The following PXDNL variants were observed in gnomAD, a reference collection of about 807,000 sequenced individuals.
The protein encoded by PXDNL is peroxidasin like.
Under a neutral mutation model 150.8 loss-of-function variants are expected in PXDNL, and 145 were observed. The observed-to-expected ratio is 0.96, with a 90% CI of 0.84 to 1.10. The LOEUF (loss-of-function observed/expected upper bound fraction) is 1.10, where lower values mean the gene tolerates loss of function less well. Among genes scored for constraint, PXDNL ranks in the 50% least tolerant of loss-of-function variants. PXDNL has a pLI of 0.00. For missense variants in PXDNL, 2,087 were observed against 1,873.9 expected, an observed-to-expected ratio of 1.11 and a Z score of -2.10; for synonymous variants, 757 against 725.7, an observed-to-expected ratio of 1.04 and a Z score of -0.69.
chr8:51,354,138 T>C (rs969511134), intron 19 of PXDNL, among the ~76,000 whole-genome samples: 16 of 152,130 alleles, frequency 1.1e-4, no homozygotes, highest in African/African-American at 3.9e-4. Context: ...ATATATCCTG[T>C]TTACCAAATA....
chr8:51,358,837 G>T (rs963404995), intron 19 of PXDNL, among the ~76,000 whole-genome samples: 3 of 152,170 alleles, frequency 2.0e-5, no homozygotes, highest in African/African-American at 7.2e-5. Flanking sequence ...GAGGACAGGG[G>T]AACCCTGGGG....
chr8:51,465,021 T>C (rs1810173533), intron 8 of PXDNL, among the ~76,000 whole-genome samples: 1 of 152,030 alleles, frequency 6.6e-6, no homozygotes. Context: ...TTCTAAAAAG[T>C]CAAGGAAGAA....
chr8:51,451,164 A>G (rs947826005), intron 10 of PXDNL, among the ~76,000 whole-genome samples: 2 of 151,572 alleles, frequency 1.3e-5, no homozygotes, highest in African/African-American at 4.8e-5. Flanking sequence ...ATTAACATTT[A>G]ATAACTTTAA....
intron 1 of PXDNL, among the ~76,000 whole-genome samples, chr8:51,776,236 C>T (rs757544400): frequency 5.3e-5 from 8 of 152,270 alleles, no homozygotes; most frequent in Admixed American, 2.0e-4. Context: ...TATGATCTCG[C>T]CCTGCCTCCA....
At chr8:51,590,412 A>G (rs974337625) in intron 3 of PXDNL, among the ~76,000 whole-genome samples, 2 of 152,020 alleles carry the variant, frequency 1.3e-5, no homozygotes, top group African/African-American at 2.4e-5. Context: ...CTATAGCCAG[A>G]GTGGAAACTC....
chr8:51,359,792 GA>G (rs905591613), intron 19 of PXDNL, among the ~76,000 whole-genome samples: 28 of 151,652 alleles, frequency 1.8e-4, no homozygotes, highest in East Asian at 3.9e-4. Context: ...TTAAGCAGGG[GA>G]AAAAAAATCC....
chr8:51,323,911 C>T (rs1316890771), intron 21 of PXDNL, among the ~76,000 whole-genome samples: 3 of 126,944 alleles, frequency 2.4e-5, no homozygotes, highest in African/African-American at 1.1e-4. Flanking sequence ...AGCAAAACTT[C>T]ATCTCAAAAA....
intron 1 of PXDNL, among the ~76,000 whole-genome samples, chr8:51,806,850 C>T (rs2129266852): frequency 6.6e-6 from 1 of 152,308 alleles, no homozygotes. Context: ...ACCATCCCCA[C>T]ACACTCCAAG....
Position 51,505,505 on chromosome 8 carries a change from G to A in PXDNL, c.381-5735C>T, listed in dbSNP as rs115852597. ...ACTGCACAATCAAAATAGCATATAC[G>A]GTCAATGTTCTCAACCTTTTTGTAC... On this transcript the variant is annotated intron_variant, in intron 4 of 22. Coordinates refer to ENST00000356297, the MANE Select transcript of PXDNL (RefSeq NM_144651.5). 4.2e-3 allele frequency among the ~76,000 whole-genome samples: 642 copies of A among 152,176 alleles called. 10 individuals are homozygous for A. Among genetic ancestry groups the A allele is most frequent in the African/African-American group, 0.015 (617 of 41,520 alleles).
intron 17 of PXDNL, among the ~76,000 whole-genome samples, chr8:51,392,362 T>C (rs1009801863): frequency 2.0e-5 from 3 of 152,186 alleles, no homozygotes; most frequent in Non-Finnish European, 4.4e-5. Context: ...TGATTCTTCC[T>C]ATCCATGAGC....
chr8:51,535,734 T>A (rs10958276), intron 4 of PXDNL, among the ~76,000 whole-genome samples: 14,358 of 128,300 alleles, frequency 0.11, 2,379 homozygotes, highest in African/African-American at 0.41. Context: ...AATAAATAAA[T>A]AAATAAAAAT....
intron 21 of PXDNL, among the ~76,000 whole-genome samples, chr8:51,333,161 A>C (rs1177488978): frequency 6.6e-6 from 1 of 152,250 alleles, no homozygotes; most frequent in Non-Finnish European, 1.5e-5. Flanking sequence ...CTTACAGGCT[A>C]GAAGGGAGTA....
intron 4 of PXDNL, among the ~76,000 whole-genome samples, chr8:51,525,070 G>C (rs1811739322): frequency 6.6e-6 from 1 of 151,810 alleles, no homozygotes; most frequent in Non-Finnish European, 1.5e-5. Context: ...AGCAAACACT[G>C]CTTCTCCATT....
chr8:51,599,768 TTA>T (rs1417465030), intron 2 of PXDNL, among the ~76,000 whole-genome samples: 2 of 144,600 alleles, frequency 1.4e-5, no homozygotes, highest in African/African-American at 2.6e-5. Context: ...ATATAATAAA[TTA>T]TATCTTATAT....
At chr8:51,396,586 A>G (rs1808089570) in intron 17 of PXDNL, among the ~76,000 whole-genome samples, 1 of 152,148 alleles carries the variant, frequency 6.6e-6, no homozygotes, top group African/African-American at 2.4e-5. Flanking sequence ...GAGAAACTCC[A>G]TCTCTACTAA....
chr8:51,334,774 C>T (rs1163246420), intron 21 of PXDNL, among the ~76,000 whole-genome samples: 1 of 152,092 alleles, frequency 6.6e-6, no homozygotes, highest in African/African-American at 2.4e-5. Context: ...AATGTTTATT[C>T]CTTCCTCATA....
intron 17 of PXDNL, among the ~76,000 whole-genome samples, chr8:51,377,552 G>A (rs1807366139): frequency 6.6e-6 from 1 of 152,342 alleles, no homozygotes; most frequent in Middle Eastern, 3.4e-3. Flanking sequence ...GCTGCACAGG[G>A]TGCTTGCGGG....
intron 2 of PXDNL, among the ~76,000 whole-genome samples, chr8:51,633,515 A>G (rs1006356852): frequency 2.6e-5 from 4 of 152,118 alleles, no homozygotes; most frequent in African/African-American, 9.7e-5. Flanking sequence ...CCAACAGCAT[A>G]TATGTGTTCT....
chr8:51,606,534 T>C (rs2130698547), intron 2 of PXDNL, among the ~76,000 whole-genome samples: 1 of 152,328 alleles, frequency 6.6e-6, no homozygotes, highest in East Asian at 1.9e-4. Flanking sequence ...ACCAAACTTT[T>C]AAAAGCAGAG....
Sources: gnomAD v4.1 joint callset for allele counts (sites outside exome capture counted in the v4.1 genomes callset) on GRCh38, gnomAD v4.1.1 for gene constraint, MANE v1.5 for transcripts, NCBI Gene and HGNC (gene_info 2026-07-23, HGNC 2026-07-21) for gene names.